Variants in CERK observed in about 807,000 individuals in gnomAD.
CERK encodes ceramide kinase, also known as acylsphingosine kinase.
A neutral mutation model predicts 63.4 loss-of-function variants in CERK; 39 were observed. That is an observed-to-expected ratio of 0.61 (90% CI 0.48 to 0.80). The LOEUF is 0.80. Ranked by LOEUF, CERK falls within the 30% of genes least tolerant of loss-of-function variation. The pLI, the probability that CERK is intolerant of heterozygous loss-of-function variation, is 0.00. For synonymous variants in CERK, 302 were observed against 280.0 expected, an observed-to-expected ratio of 1.08 and a Z score of -0.78; for missense variants, 670 against 714.1, an observed-to-expected ratio of 0.94 and a Z score of 0.70.
chr22:46,693,291 A>AATTC, intron 10 of CERK, 136 bp downstream of exon 10: 1 of 701,862 alleles, frequency 1.4e-6, no homozygotes, highest in Non-Finnish European at 2.5e-6. Context: ...GCTAAGAAGA[A>AATTC]ATGGATGCCT....
intron 1 of CERK, among the ~76,000 whole-genome samples, chr22:46,736,839 G>A (rs1448117195): frequency 6.6e-6 from 1 of 152,002 alleles, no homozygotes; most frequent in Admixed American, 6.6e-5. Context: ...ACCAGAAAGC[G>A]CCCAGAAGAA....
chr22:46,724,151 G>C (rs747312838), intron 1 of CERK, among the ~76,000 whole-genome samples: 5 of 152,180 alleles, frequency 3.3e-5, no homozygotes, highest in Non-Finnish European at 5.9e-5. Flanking sequence ...AGACCATGAG[G>C]ATGGAGACCT....
Position 46,712,294 on chromosome 22 carries a change from C to A in CERK, c.380-1G>T. 1 of 1,613,198 alleles carries A rather than the reference C, an allele frequency of 6.2e-7. No individual in the cohort carries two copies. The highest frequency in any genetic ancestry group is 8.5e-7 in the Non-Finnish European group (1 of 1,179,582). On this transcript the variant is annotated splice_acceptor_variant, in intron 3 of 12. Transcript: ENST00000216264. LOFTEE classifies it high-confidence loss of function. ...ACCAGTAAATGCTTTGGTCTGGACG[C>A]TGTAAGACAACAACATGTAAATAAC...
At chr22:46,704,228 A>C (rs2082802510) in intron 6 of CERK, among the ~76,000 whole-genome samples, 1 of 152,206 alleles carries the variant, frequency 6.6e-6, no homozygotes, top group African/African-American at 2.4e-5. Flanking sequence ...ACCATGGTGA[A>C]GTGCAGCCTG....
chr22:46,724,165 T>C (rs1200145123), intron 1 of CERK, among the ~76,000 whole-genome samples: 1 of 152,244 alleles, frequency 6.6e-6, no homozygotes, highest in African/African-American at 2.4e-5. Flanking sequence ...GAGACCTTTG[T>C]AATGATCCAC....
At chr22:46,737,153 C>A (rs865988974) in intron 1 of CERK, among the ~76,000 whole-genome samples, 19 of 151,978 alleles carry the variant, frequency 1.3e-4, no homozygotes, top group South Asian at 2.1e-4. Context: ...ATTAGCCGGG[C>A]GTAGTAGCGG....
intron 12 of CERK, among the ~76,000 whole-genome samples, chr22:46,689,147 G>A (rs1392349684): frequency 6.6e-6 from 1 of 152,236 alleles, no homozygotes; most frequent in African/African-American, 2.4e-5. Context: ...GGCCACACCT[G>A]CCTCCCCGCG....
chr22:46,696,519 C>T (rs948344801), intron 8 of CERK, among the ~76,000 whole-genome samples: 4 of 152,220 alleles, frequency 2.6e-5, no homozygotes, highest in Non-Finnish European at 4.4e-5. Flanking sequence ...GGCGCCTCAC[C>T]GACATCTGAT....
chr22:46,701,997 A>G (rs980800497), intron 6 of CERK, among the ~76,000 whole-genome samples: 2 of 152,082 alleles, frequency 1.3e-5, no homozygotes, highest in Non-Finnish European at 2.9e-5. Context: ...CCTGGCCAAC[A>G]TGGTGAAACT....
At chr22:46,706,350 C>T (rs1035091165) in intron 6 of CERK, among the ~76,000 whole-genome samples, 1 of 152,192 alleles carries the variant, frequency 6.6e-6, no homozygotes, top group Non-Finnish European at 1.5e-5. Flanking sequence ...GAGAGGTCGG[C>T]GGCACACAGG....
chr22:46,702,221 ATATGTGTGTGTGTGTGTG>A (rs370851124), intron 6 of CERK, among the ~76,000 whole-genome samples: 8,807 of 113,368 alleles, frequency 0.078, 475 homozygotes, highest in African/African-American at 0.12. Context: ...AAAAATATAT[ATATGTGTGTGTGTGTGTG>A]TGTGTGTGTG....
chr22:46,736,948 C>G (rs2082976976), intron 1 of CERK, among the ~76,000 whole-genome samples: 1 of 152,116 alleles, frequency 6.6e-6, no homozygotes, highest in Admixed American at 6.5e-5. Context: ...CCCATTCCAG[C>G]TCCGCACATC....
chr22:46,689,878 C>G (rs560754128), intron 12 of CERK, 114 bp downstream of exon 12: 2 of 661,918 alleles, frequency 3.0e-6, no homozygotes, highest in Non-Finnish European at 5.0e-6. Context: ...AACATTCTTA[C>G]GTTTTGTGTT....
intron 3 of CERK, among the ~76,000 whole-genome samples, chr22:46,713,763 A>C (rs1458481202): frequency 6.6e-6 from 1 of 152,176 alleles, no homozygotes; most frequent in Non-Finnish European, 1.5e-5. Context: ...AGCACACGTA[A>C]AACTTCTGGG....
intron 8 of CERK, among the ~76,000 whole-genome samples, chr22:46,697,886 T>G (rs979671309): frequency 1.4e-4 from 21 of 152,202 alleles, no homozygotes; most frequent in Non-Finnish European, 2.9e-4. Context: ...GTGTGCAGAC[T>G]GCAACTCTTG....
At chr22:46,725,210 C>G (rs1431405925) in intron 1 of CERK, among the ~76,000 whole-genome samples, 1 of 152,184 alleles carries the variant, frequency 6.6e-6, no homozygotes, top group Non-Finnish European at 1.5e-5. Flanking sequence ...GCATTACGCC[C>G]TAGTCTTCGA....
chr22:46,726,146 C>A (rs1370826607), intron 1 of CERK, among the ~76,000 whole-genome samples: 1 of 152,260 alleles, frequency 6.6e-6, no homozygotes, highest in Non-Finnish European at 1.5e-5. Flanking sequence ...CATGGCAGGG[C>A]AGGGTCAAGG....
intron 1 of CERK, among the ~76,000 whole-genome samples, chr22:46,721,445 C>A (rs775931339): frequency 2.0e-5 from 3 of 151,854 alleles, no homozygotes; most frequent in East Asian, 3.9e-4. Flanking sequence ...CCCCCTCCCC[C>A]AAAAAGGAAG....
At chr22:46,703,930 C>T (rs1389375948) in intron 6 of CERK, among the ~76,000 whole-genome samples, 1 of 151,664 alleles carries the variant, frequency 6.6e-6, no homozygotes, top group Admixed American at 6.6e-5. Context: ...CTGCCCTCTG[C>T]ACCAGCTGAC....
Sources: gnomAD v4.1 joint callset for allele counts (sites outside exome capture counted in the v4.1 genomes callset) on GRCh38, gnomAD v4.1.1 for gene constraint, MANE v1.5 for transcripts, NCBI Gene and HGNC (gene_info 2026-07-23, HGNC 2026-07-21) for gene names.